Variants in CAMK2G observed in about 807,000 individuals in gnomAD.
CAMK2G encodes calcium/calmodulin-dependent protein kinase type II subunit gamma.
A neutral mutation model predicts 88.7 loss-of-function variants in CAMK2G; 23 were observed. The observed-to-expected ratio is 0.26, with a 90% CI of 0.19 to 0.37. The LOEUF is 0.37. CAMK2G is among the 10% of genes least tolerant of loss of function. The pLI is 1.00. For missense variants in CAMK2G, 476 were observed against 780.8 expected (o/e 0.61, Z 4.65); for synonymous variants, 263 against 294.8 (o/e 0.89, Z 1.11).
In CAMK2G at chr10:73,842,344, A is replaced by G; in HGVS notation, c.903+114T>C. On this transcript the variant is annotated intron_variant, in intron 11 of 22. Transcript: ENST00000423381. This position sits in a 1 kb window ranked among gnomAD's most constrained non-coding sequence, Gnocchi z 4.6. ...GGCCCCCTCCCCTGTGACATGTACA[A>G]CCTTCAGAGCCCAGCTCCAGCCAGG... 1 of 1,147,674 alleles carries G rather than the reference A, an allele frequency of 8.7e-7. No individual in the cohort carries two copies. Among genetic ancestry groups the G allele is most frequent in the Non-Finnish European group, 1.3e-6 (1 of 756,766 alleles). 71.1% of individuals were successfully genotyped at this position (1,147,674 alleles called of 1,614,324 possible).
intron 4 of CAMK2G, 54 bp from the exon 5 acceptor site, chr10:73,852,373 C>T (rs2094693600): frequency 6.9e-7 from 1 of 1,440,894 alleles, no homozygotes; most frequent in Non-Finnish European, 9.8e-7. Context: ...TTTGTCCAAC[C>T]CCAATGTCCA....
intron 3 of CAMK2G, 103 bp downstream of exon 3, chr10:73,860,727 G>A (rs1303641430): frequency 2.4e-6 from 2 of 837,942 alleles, no homozygotes; most frequent in Non-Finnish European, 4.1e-6. Context: ...GACACCAGGT[G>A]AAGGTCCACA....
intron 3 of CAMK2G, among the ~76,000 whole-genome samples, chr10:73,853,631 T>A (rs183185448): frequency 3.3e-5 from 5 of 152,198 alleles, no homozygotes; most frequent in African/African-American, 1.2e-4. Context: ...AATGACCAGA[T>A]GGGAAAGCCA....
intron 2 of CAMK2G, among the ~76,000 whole-genome samples, chr10:73,872,754 TG>T (rs2095877930): frequency 6.6e-6 from 1 of 152,182 alleles, no homozygotes; most frequent in African/African-American, 2.4e-5. Context: ...CTTGAGCCTT[TG>T]GGGGCCACTG....
chr10:73,826,844 G>A (rs2091101542), intron 15 of CAMK2G, among the ~76,000 whole-genome samples: 1 of 152,168 alleles, frequency 6.6e-6, no homozygotes, highest in Non-Finnish European at 1.5e-5. Context: ...GCTGTCAATG[G>A]CTCAGACATC....
intron 21 of CAMK2G, 41 bp downstream of exon 21, chr10:73,816,982 A>C (rs750896826): frequency 3.7e-6 from 6 of 1,614,032 alleles, no homozygotes; most frequent in Non-Finnish European, 5.1e-6. Flanking sequence ...AAAGGGGTAA[A>C]GGGGCAGGCA....
intron 2 of CAMK2G, among the ~76,000 whole-genome samples, chr10:73,867,536 A>G (rs2095639818): frequency 6.6e-6 from 1 of 152,188 alleles, no homozygotes; most frequent in Non-Finnish European, 1.5e-5. Context: ...AGCAGCAAGC[A>G]GGGGGGAAGG....
At chr10:73,833,154 G>C (rs1320482945) in intron 14 of CAMK2G, among the ~76,000 whole-genome samples, 1 of 150,224 alleles carries the variant, frequency 6.7e-6, no homozygotes, top group Non-Finnish European at 1.5e-5. Context: ...TAAGAGATGG[G>C]GTCTCACTAC....
At chr10:73,828,560 A>C (rs1161190202) in intron 14 of CAMK2G, among the ~76,000 whole-genome samples, 2 of 152,166 alleles carry the variant, frequency 1.3e-5, no homozygotes, top group African/African-American at 4.8e-5. Flanking sequence ...GAAAAAGCAA[A>C]AGCTACTACA....
At position 73,865,883 on chromosome 10, in the gene CAMK2G, C is replaced by G. The variant is rs1400774406; in HGVS notation, c.161-4994G>C. Among the ~76,000 whole-genome samples, 7 of 152,014 alleles carry G rather than the reference C, an allele frequency of 4.6e-5. No homozygotes were observed. The South Asian group carries it at 6.2e-4, about 14-fold the overall frequency. ...CCGCCCCTCCCACAGCCCAGCCCCC[C>G]CCTTCCTGTTTGACAACTGCCACTT... is the stretch of plus-strand genomic sequence containing the variant. On this transcript the variant is annotated intron_variant, in intron 2 of 22. Coordinates refer to ENST00000423381, the MANE Select transcript of CAMK2G (RefSeq NM_001367534.1).
rs2094443586 is a variant in CAMK2G at position 73,848,998 on chromosome 10, C to T, written c.517+15G>A. On this transcript the variant is annotated intron_variant, in intron 7 of 22. Transcript: ENST00000423381. This position sits in a 1 kb window ranked among gnomAD's most constrained non-coding sequence, Gnocchi z 4.5. ...GGGCGGGGGCTGCATTCCGGGAAGA[C>T]AGGATCACCCTTACCAAACCAAGCC... The T allele has an allele frequency of 2.0e-6, 3 of 1,528,746 alleles. No homozygotes were observed. The African/African-American group carries it at 4.1e-5, about 21-fold the overall frequency. 94.7% of individuals were successfully genotyped at this position (1,528,746 alleles called of 1,614,324 possible). A position where few individuals can be genotyped will look rare whatever the true frequency, so the allele number is the denominator to read the frequency against.
intron 21 of CAMK2G, chr10:73,816,010 G>A: frequency 1.0e-6 from 1 of 985,140 alleles, no homozygotes; most frequent in Non-Finnish European, 1.2e-6. Context: ...ATAACAGAGA[G>A]TTTATATATG....
chr10:73,859,208 C>G (rs2095251381), intron 3 of CAMK2G, among the ~76,000 whole-genome samples: 2 of 152,182 alleles, frequency 1.3e-5, no homozygotes, highest in South Asian at 4.1e-4. Flanking sequence ...GCAAGGCCTA[C>G]AGGGGCCCAG....
rs1318175041 is a variant in CAMK2G, at chr10:73,813,411, TAAG to T, written c.*1104_*1106del. 1.3e-5 allele frequency: 2 copies of T among 152,564 alleles called. No individual in the cohort carries two copies. The highest frequency in any genetic ancestry group is 2.9e-5 in the Non-Finnish European group (2 of 68,046). The allele number at this position is 152,564 out of a possible 1,614,324, so 9.5% of individuals were successfully genotyped here. Reference sequence around the variant, plus strand: ...GAGATGGACGTGCAGCAAGGAAGAATAAGAAGGGAGGCAGCCCCAAAGGCAGCC... The same window carrying T: ...GAGATGGACGTGCAGCAAGGAAGAATAAGGGAGGCAGCCCCAAAGGCAGCC... On this transcript the variant is annotated 3_prime_UTR_variant, in exon 23 of 23. Transcript: ENST00000423381.
In CAMK2G at chr10:73,814,287, C is replaced by CTTTT. The variant is rs896941328; in HGVS notation, c.*227_*230dup. On this transcript the variant is annotated 3_prime_UTR_variant, in exon 23 of 23. Transcript: ENST00000423381. ...TTTTTTTTTTAAACAATCTTTTTTT[C>CTTTT]TTTTTTTTTTTTCTTAAATGTAAAA... The CTTTT allele has an allele frequency of 1.6e-5, 1 of 62,984 alleles. No homozygotes were observed. The highest frequency in any genetic ancestry group is 5.1e-4 in the South Asian group (1 of 1,962). 3.9% of individuals were successfully genotyped at this position (62,984 alleles called of 1,614,324 possible).
At chr10:73,815,657 C>T (rs1444305820) in intron 21 of CAMK2G, among the ~76,000 whole-genome samples, 1 of 152,192 alleles carries the variant, frequency 6.6e-6, no homozygotes, top group South Asian at 2.1e-4. Context: ...ATTTTCTATT[C>T]TGTTAGGCTG....
At chr10:73,852,946 A>G (rs964144998) in intron 4 of CAMK2G, 3 of 563,694 alleles carry the variant, frequency 5.3e-6, no homozygotes, top group Non-Finnish European at 9.5e-6. Context: ...CATCTGTGCA[A>G]GGCGTGCTGC....
At position 73,813,245 on chromosome 10, in the gene CAMK2G, T is replaced by A. The variant is rs2084596427; in HGVS notation, c.*1273A>T. Reference sequence around the variant, plus strand: ...AAGCCTTGGCTCTGGACACCTCTTTTGGGTTACATGCGGGGAGGGGTGATG... The same window carrying A: ...AAGCCTTGGCTCTGGACACCTCTTTAGGGTTACATGCGGGGAGGGGTGATG... On this transcript the variant is annotated 3_prime_UTR_variant, in exon 23 of 23. Transcript: ENST00000423381. The A allele has an allele frequency of 6.5e-6, 1 of 152,710 alleles. No homozygotes were observed. Among genetic ancestry groups the A allele is most frequent in the Non-Finnish European group, 1.5e-5 (1 of 68,090 alleles). The allele number at this position is 152,710 out of a possible 1,614,324, so 9.5% of individuals were successfully genotyped here. A position where few individuals can be genotyped will look rare whatever the true frequency, so the allele number is the denominator to read the frequency against.
intron 14 of CAMK2G, among the ~76,000 whole-genome samples, chr10:73,831,678 T>C (rs764266626): frequency 1.3e-5 from 2 of 149,052 alleles, no homozygotes; most frequent in Non-Finnish European, 3.0e-5. Flanking sequence ...AAGACTAGCC[T>C]GGGCAACCCC....
Sources: gnomAD v4.1 joint callset for allele counts (sites outside exome capture counted in the v4.1 genomes callset) on GRCh38, gnomAD v4.1.1 for gene constraint, Gnocchi (gnomAD v3.1) non-coding constraint, MANE v1.5 for transcripts, NCBI Gene and HGNC (gene_info 2026-07-23, HGNC 2026-07-21) for gene names.